Variants in UACA observed in about 807,000 individuals in gnomAD.
The protein encoded by UACA is nuclear membrane binding protein.
UACA carries 112 observed loss-of-function variants against 160.5 expected under a neutral mutation model. The observed-to-expected ratio is 0.70, with a 90% CI of 0.60 to 0.82. The LOEUF (loss-of-function observed/expected upper bound fraction) is 0.82. Among genes scored for constraint, UACA ranks in the 40% least tolerant of loss-of-function variants. UACA has a pLI of 0.00. For missense variants in UACA, 1,574 were observed against 1,614.6 expected (o/e 0.97, Z 0.43); for synonymous variants, 557 against 568.4 (o/e 0.98, Z 0.29).
At chr15:70,737,062 GA>G in intron 1 of UACA, among the ~76,000 whole-genome samples, 1 of 152,262 alleles carries the variant, frequency 6.6e-6, no homozygotes, top group Non-Finnish European at 1.5e-5. Context: ...CAAGGATATT[GA>G]AAATGTTTAA....
chr15:70,718,324 ATGTGTGTGTGTGTGTG>A lies in UACA; in HGVS notation c.79-18680_79-18665del, dbSNP rs59313425. On this transcript the variant is annotated intron_variant, in intron 1 of 18. Coordinates refer to ENST00000322954, the MANE Select transcript of UACA (RefSeq NM_018003.4). Reference sequence around the variant, plus strand: ...AGAGGGAGAGGGAGAGAGAGAGAGAATGTGTGTGTGTGTGTGTGTGTGTGTGTGTGTGTGTGTGTGT... The same window carrying A: ...AGAGGGAGAGGGAGAGAGAGAGAGAATGTGTGTGTGTGTGTGTGTGTGTGT... Among the ~76,000 whole-genome samples, 42 of 60,228 alleles carry A rather than the reference ATGTGTGTGTGTGTGTG, an allele frequency of 7.0e-4. No homozygotes were observed. In the East Asian group the frequency reaches 0.011, roughly 16 times the overall value. 39.5% of individuals were successfully genotyped at this position (60,228 alleles called of 152,430 possible). A position where few individuals can be genotyped will look rare whatever the true frequency, so the allele number is the denominator to read the frequency against.
At chr15:70,675,190 C>A (rs1414619997) in intron 13 of UACA, among the ~76,000 whole-genome samples, 1 of 152,162 alleles carries the variant, frequency 6.6e-6, no homozygotes, top group Non-Finnish European at 1.5e-5. Context: ...TAAAACTTAT[C>A]ACATAGAGTT....
intron 1 of UACA, among the ~76,000 whole-genome samples, chr15:70,752,793 C>A (rs2030170864): frequency 6.6e-6 from 1 of 152,020 alleles, no homozygotes; most frequent in African/African-American, 2.4e-5. Flanking sequence ...ACACACACAC[C>A]CCTCCAAATA....
At chr15:70,689,081 T>C (rs1897833106) in intron 5 of UACA, among the ~76,000 whole-genome samples, 1 of 152,164 alleles carries the variant, frequency 6.6e-6, no homozygotes, top group Non-Finnish European at 1.5e-5. Flanking sequence ...CAAGTCTGAG[T>C]TCCAGACTTT....
At position 70,763,343 on chromosome 15, in the gene UACA, G is replaced by A. The variant is rs1438321063; in HGVS notation, c.65C>T (p.Ala22Val). ...DVPGPASSGA[A>V]AASAHAADWN... ...CGCGGGACTCACCGCGCTGGCGGCG[G>A]CGGCGCCAGACGACGCGGGGCCGGG... The change falls in exon 1 of 19, where the codon GCC becomes GTC. Residue 22 changes from alanine (A) to valine (V), a missense_variant. Physicochemically the swap from Ala to Val is moderately conservative, Grantham distance 64. Transcript: ENST00000322954. 1.6e-5 allele frequency: 22 copies of A among 1,334,360 alleles called. No homozygotes were observed. Among genetic ancestry groups the A allele is most frequent in the African/African-American group, 3.1e-5 (2 of 64,814 alleles). 82.7% of individuals were successfully genotyped at this position (1,334,360 alleles called of 1,614,324 possible).
intron 1 of UACA, chr15:70,702,290 A>C: frequency 9.8e-7 from 1 of 1,020,624 alleles, no homozygotes; most frequent in Non-Finnish European, 1.2e-6. Flanking sequence ...ACTGCAACAC[A>C]GACGCTGCAG....
intron 5 of UACA, 48 bp from the exon 6 acceptor site, chr15:70,687,868 G>C (rs775867531): frequency 6.4e-6 from 10 of 1,562,406 alleles, no homozygotes; most frequent in Non-Finnish European, 5.3e-6. Flanking sequence ...CTGTTGGTAA[G>C]ACACATAGTG....
At position 70,691,332 on chromosome 15, in the gene UACA, A is replaced by G; in HGVS notation, c.333T>C (p.Tyr111=). The G allele has an allele frequency of 1.2e-6, 2 of 1,610,004 alleles. No individual in the cohort carries two copies. The highest frequency in any genetic ancestry group is 1.3e-5 in the African/African-American group (1 of 74,936). The change falls in exon 4 of 19, where the codon TAT becomes TAC. Residue 111 remains tyrosine, a synonymous_variant. Transcript: ENST00000322954. ...GRNALHLAAK[Y]GHALCLQKLL... is the part of the protein sequence containing the mutation. Reference sequence around the variant, plus strand: ...GTTTTTGTAGGCACAATGCATGTCCATACTTAGCAGCCAGGTGAAGAGCAT... The same window carrying G: ...GTTTTTGTAGGCACAATGCATGTCCGTACTTAGCAGCCAGGTGAAGAGCAT...
chr15:70,767,156 C>T (rs189142203), upstream of UACA, among the ~76,000 whole-genome samples: 764 of 146,450 alleles, frequency 5.2e-3, 25 homozygotes, highest in Admixed American at 0.044. Flanking sequence ...AGGAGAATGG[C>T]GTGAACCTGG....
At position 70,666,893 on chromosome 15, in the gene UACA, G is replaced by T; in HGVS notation, c.3791C>A (p.Ala1264Asp). 6.2e-7 allele frequency: 1 copy of T among 1,613,360 alleles called. No homozygotes were observed. Among genetic ancestry groups the T allele is most frequent in the Non-Finnish European group, 8.5e-7 (1 of 1,179,848 alleles). Reference sequence around the variant, plus strand: ...TTTTGCAGATATTTCCTTCTTTTTGGCATGCAAAACTTCCTCACATACTTC... The same window carrying T: ...TTTTGCAGATATTTCCTTCTTTTTGTCATGCAAAACTTCCTCACATACTTC... ...YEEVCEEVLH[A>D]KKKEISAKDE... The change falls in exon 16 of 19, where the codon GCC (alanine) becomes GAC (aspartate). Residue 1264 changes from alanine to aspartate, a missense_variant. Transcript: ENST00000322954.
At chr15:70,726,708 G>A (rs994965087) in intron 1 of UACA, among the ~76,000 whole-genome samples, 20 of 152,042 alleles carry the variant, frequency 1.3e-4, no homozygotes, top group Admixed American at 4.6e-4. Context: ...TTATATGTTC[G>A]GTACCTTCTA....
At chr15:70,729,935 T>C (rs1287109912) in intron 1 of UACA, among the ~76,000 whole-genome samples, 44 of 112,086 alleles carry the variant, frequency 3.9e-4, no homozygotes, top group Non-Finnish European at 6.6e-4. Context: ...GAGGGTCCTG[T>C]CTGTTAGAAG....
At chr15:70,744,996 C>A (rs1437741646) in intron 1 of UACA, among the ~76,000 whole-genome samples, 2 of 152,178 alleles carry the variant, frequency 1.3e-5, no homozygotes, top group Non-Finnish European at 2.9e-5. Context: ...ACTCTTAAGT[C>A]TAGAGTTCTC....
intron 1 of UACA, among the ~76,000 whole-genome samples, chr15:70,724,674 G>A (rs1899093154): frequency 6.6e-6 from 1 of 151,896 alleles, no homozygotes; most frequent in Non-Finnish European, 1.5e-5. Context: ...TTAAACCAAG[G>A]CACACTTATA....
chr15:70,681,395 G>A (rs1003274197), intron 9 of UACA: 10 of 152,010 alleles, frequency 6.6e-5, no homozygotes, highest in Non-Finnish European at 1.2e-4. Context: ...CCTATTTACA[G>A]CGTATATTTA....
chr15:70,694,860 CA>C (rs1566979569), intron 3 of UACA, among the ~76,000 whole-genome samples, 156 bp downstream of exon 3: 1 of 152,126 alleles, frequency 6.6e-6, no homozygotes, highest in Non-Finnish European at 1.5e-5. Context: ...ACCTCTCCCA[CA>C]ATACCTCAGA....
At chr15:70,761,945 T>C (rs1393012035) in intron 1 of UACA, among the ~76,000 whole-genome samples, 3 of 152,166 alleles carry the variant, frequency 2.0e-5, no homozygotes, top group Non-Finnish European at 2.9e-5. Context: ...ATCTAGAAAC[T>C]TGTATCTTCT....
intron 1 of UACA, among the ~76,000 whole-genome samples, chr15:70,755,472 C>A (rs1567002046): frequency 6.6e-6 from 1 of 151,878 alleles, no homozygotes; most frequent in Non-Finnish European, 1.5e-5. Context: ...GAGTACAAGA[C>A]CAGCCTGGCA....
chr15:70,738,862 C>T (rs932564108), intron 1 of UACA, among the ~76,000 whole-genome samples: 2 of 152,192 alleles, frequency 1.3e-5, no homozygotes, highest in Non-Finnish European at 2.9e-5. Flanking sequence ...ATAGTAATCT[C>T]GGCTGGTTCA....
Sources: allele counts gnomAD v4.1 joint callset (sites outside exome capture counted in the v4.1 genomes callset), GRCh38; gene constraint gnomAD v4.1.1; transcripts MANE v1.5; gene names NCBI Gene and HGNC (gene_info 2026-07-23, HGNC 2026-07-21).